Variants in RNF150 observed in about 807,000 individuals in gnomAD.
RNF150 encodes ring finger protein 150.
In RNF150, 24 loss-of-function variants were observed where a neutral mutation model predicts 39.3. That is an observed-to-expected ratio of 0.61 (90% CI 0.44 to 0.86). RNF150 has a LOEUF of 0.86. RNF150 is among the 40% of genes least tolerant of loss of function. RNF150 has a pLI of 0.00. For synonymous variants in RNF150, 255 were observed against 227.3 expected (o/e 1.12, Z -1.10); for missense variants, 502 against 587.8 (o/e 0.85, Z 1.51).
chr4:140,886,661 AT>A (rs1162344508), intron 6 of RNF150, among the ~76,000 whole-genome samples: 1 of 152,202 alleles, frequency 6.6e-6, no homozygotes, highest in Admixed American at 6.5e-5. Context: ...TCTGTTGACC[AT>A]ACTGGAGTGC....
At chr4:140,928,446 G>C (rs542728956) in intron 4 of RNF150, among the ~76,000 whole-genome samples, 24 of 152,274 alleles carry the variant, frequency 1.6e-4, no homozygotes, top group Admixed American at 1.5e-3. Context: ...CAAGGAGAAG[G>C]GGGTGTCTGG....
chr4:140,913,728 C>T (rs1406998552), intron 5 of RNF150, among the ~76,000 whole-genome samples: 1 of 152,172 alleles, frequency 6.6e-6, no homozygotes, highest in Non-Finnish European at 1.5e-5. Context: ...ACTATATTGA[C>T]TTTGGATTCC....
chr4:141,067,876 T>C (rs1446207744), intron 1 of RNF150, among the ~76,000 whole-genome samples: 1 of 151,730 alleles, frequency 6.6e-6, no homozygotes, highest in African/African-American at 2.4e-5. Context: ...TGGATACAGG[T>C]GAAAATTAAG....
chr4:140,949,349 C>G lies in RNF150; in HGVS notation c.759G>C (p.Lys253Asn). The G allele has an allele frequency of 6.2e-7, 1 of 1,613,268 alleles. No individual in the cohort carries two copies. The highest frequency in any genetic ancestry group is 1.3e-5 in the African/African-American group (1 of 75,038). ...TGATCTGGAGTTTGCTGATGGCTTT[C>G]TTTGCTGCATCCCCCAGTCGGCGCT... The part of the protein sequence containing the change: ...RNQRRLGDAA[K>N]KAISKLQIRT... Residue 253 changes from lysine (K) to asparagine (N), a missense_variant, in exon 3 of 7, where the codon AAG (lysine) becomes AAC (asparagine). Lys to Asn is a moderately conservative substitution (Grantham distance 94). Coordinates refer to ENST00000515673, the MANE Select transcript of RNF150 (RefSeq NM_020724.2).
At chr4:140,931,683 G>A (rs997339254) in intron 4 of RNF150, among the ~76,000 whole-genome samples, 10 of 152,124 alleles carry the variant, frequency 6.6e-5, no homozygotes, top group Non-Finnish European at 1.5e-4. Context: ...TAACAATCCC[G>A]ACAAATTGGA....
chr4:140,952,897 G>C (rs867812174), intron 2 of RNF150, among the ~76,000 whole-genome samples: 5 of 152,154 alleles, frequency 3.3e-5, no homozygotes, highest in Admixed American at 6.5e-5. Flanking sequence ...TTTCGTCACT[G>C]TGTGAAATCA....
intron 4 of RNF150, among the ~76,000 whole-genome samples, chr4:140,945,629 CAT>C (rs1017219861): frequency 4.3e-4 from 48 of 110,804 alleles, no homozygotes; most frequent in African/African-American, 9.2e-4. Flanking sequence ...ATATATACTA[CAT>C]ATATATATGT....
At chr4:141,141,666 G>T (rs375251249) in intron 1 of RNF150, among the ~76,000 whole-genome samples, 7 of 152,158 alleles carry the variant, frequency 4.6e-5, no homozygotes, top group African/African-American at 1.7e-4. Flanking sequence ...TCTGGGCGTG[G>T]TGGCACACCC....
chr4:140,953,947 T>C (rs1228010880), intron 2 of RNF150, among the ~76,000 whole-genome samples: 1 of 152,178 alleles, frequency 6.6e-6, no homozygotes, highest in East Asian at 1.9e-4. Context: ...CTACAGGCCC[T>C]GCTCAAACTA....
At chr4:140,959,476 C>T (rs954051099) in intron 2 of RNF150, among the ~76,000 whole-genome samples, 3 of 152,108 alleles carry the variant, frequency 2.0e-5, no homozygotes, top group African/African-American at 4.8e-5. Context: ...AATCCATTCA[C>T]CTCCCTGAGC....
chr4:141,011,117 A>G (rs1289054824), intron 1 of RNF150, among the ~76,000 whole-genome samples: 1 of 152,152 alleles, frequency 6.6e-6, no homozygotes, highest in East Asian at 1.9e-4. Context: ...TCAATAATGA[A>G]AAAACTTAAA....
chr4:140,894,876 C>G (rs994311533), intron 6 of RNF150, among the ~76,000 whole-genome samples: 19 of 152,134 alleles, frequency 1.2e-4, no homozygotes, highest in Admixed American at 1.2e-3. Context: ...GCAGAGTGAA[C>G]AAATCCATAA....
At chr4:141,212,458 A>G (rs1728482634) in intron 1 of RNF150, among the ~76,000 whole-genome samples, 1 of 152,160 alleles carries the variant, frequency 6.6e-6, no homozygotes, top group Non-Finnish European at 1.5e-5. Context: ...AATCAAACAA[A>G]CTAAACATAT....
intron 1 of RNF150, among the ~76,000 whole-genome samples, chr4:141,177,826 A>G (rs749032337): frequency 2.2e-4 from 34 of 152,176 alleles, no homozygotes; most frequent in Non-Finnish European, 2.2e-4. Context: ...CCTTTAGAGA[A>G]AAGGGCTTTT....
At chr4:140,930,072 A>C (rs918985843) in intron 4 of RNF150, among the ~76,000 whole-genome samples, 4 of 152,056 alleles carry the variant, frequency 2.6e-5, no homozygotes, top group African/African-American at 4.8e-5. Flanking sequence ...GACATGGGAG[A>C]ATTGCTTGAA....
chr4:140,984,344 A>G (rs1224779271), intron 1 of RNF150, among the ~76,000 whole-genome samples: 1 of 152,140 alleles, frequency 6.6e-6, no homozygotes, highest in Non-Finnish European at 1.5e-5. Context: ...TCTGATAACC[A>G]TTGGTATGAA....
intron 6 of RNF150, among the ~76,000 whole-genome samples, chr4:140,897,854 G>A (rs557503880): frequency 6.6e-5 from 10 of 152,196 alleles, no homozygotes; most frequent in African/African-American, 2.4e-4. Flanking sequence ...TTTTACAGAT[G>A]AGAACTAGAG....
At chr4:141,073,550 T>C (rs1009636479) in intron 1 of RNF150, among the ~76,000 whole-genome samples, 2 of 152,142 alleles carry the variant, frequency 1.3e-5, no homozygotes, top group African/African-American at 4.8e-5. Context: ...GGAAGGACTA[T>C]GTCATTCGCT....
chr4:141,092,418 A>G (rs967021912), intron 1 of RNF150, among the ~76,000 whole-genome samples: 3 of 152,146 alleles, frequency 2.0e-5, no homozygotes, highest in South Asian at 2.1e-4. Context: ...AATACAAGCA[A>G]TATCTTAAAA....
Sources: gnomAD v4.1 joint callset for allele counts (sites outside exome capture counted in the v4.1 genomes callset) on GRCh38, gnomAD v4.1.1 for gene constraint, MANE v1.5 for transcripts, NCBI Gene and HGNC (gene_info 2026-07-23, HGNC 2026-07-21) for gene names.